SESTD1: variants seen among roughly 807,000 people sequenced by gnomAD.
The protein encoded by SESTD1 is SEC14 domain and spectrin repeat-containing protein 1.
SESTD1 carries 43 observed loss-of-function variants against 101.7 expected under a neutral mutation model. The ratio of observed to expected loss-of-function variants is 0.42; its 90% confidence interval spans 0.33 to 0.55. The LOEUF (loss-of-function observed/expected upper bound fraction) is 0.55, where lower values mean the gene tolerates loss of function less well. SESTD1 is among the 20% of genes least tolerant of loss of function. SESTD1 has a pLI of 0.07. For synonymous variants in SESTD1, 283 were observed against 286.8 expected, an observed-to-expected ratio of 0.99 and a Z score of 0.13; for missense variants, 647 against 815.1, an observed-to-expected ratio of 0.79 and a Z score of 2.51.
intron 1 of SESTD1, among the ~76,000 whole-genome samples, chr2:179,259,213 T>G (rs1209956549): frequency 6.6e-6 from 1 of 152,166 alleles, no homozygotes. Context: ...GTAAAGTGCC[T>G]AGTGTTAGTT....
At chr2:179,237,755 A>G (rs535048426) in intron 1 of SESTD1, among the ~76,000 whole-genome samples, 1 of 152,336 alleles carries the variant, frequency 6.6e-6, no homozygotes, top group Non-Finnish European at 1.5e-5. Context: ...TCTGCCCTCA[A>G]TGTTTGAGTA....
intron 17 of SESTD1, among the ~76,000 whole-genome samples, chr2:179,111,954 T>C (rs1311869674): frequency 6.6e-6 from 1 of 152,154 alleles, no homozygotes; most frequent in African/African-American, 2.4e-5. Flanking sequence ...CTCCTGACCT[T>C]GTGATCCGCC....
chr2:179,211,723 T>G (rs1048918472), intron 1 of SESTD1, among the ~76,000 whole-genome samples: 1 of 134,306 alleles, frequency 7.4e-6, no homozygotes, highest in Non-Finnish European at 1.6e-5. Flanking sequence ...TGGATGCAGA[T>G]GGACACCATT....
chr2:179,143,312 G>C (rs972219497), intron 9 of SESTD1, among the ~76,000 whole-genome samples: 2 of 152,116 alleles, frequency 1.3e-5, no homozygotes, highest in African/African-American at 4.8e-5. Context: ...GTTATTTATT[G>C]CAAGAATACA....
At position 179,115,167 on chromosome 2, in the gene SESTD1, T is replaced by C. The variant is rs764602539; in HGVS notation, c.1737A>G (p.Thr579=). ...LRCTSRSSGD[T]LPRLNRVWKQ... is the part of the protein sequence containing the mutation. ...TCCATACTCTGTTCAGTCGAGGAAGTGTATCCCCAGATGACCGAGAAGTGC... is the reference window on the plus strand; with the variant it reads ...TCCATACTCTGTTCAGTCGAGGAAGCGTATCCCCAGATGACCGAGAAGTGC... The change falls in exon 16 of 18, where the codon ACA becomes ACG. Residue 579 remains threonine, a synonymous_variant. Transcript: ENST00000428443. 5 of 1,614,020 alleles carry C rather than the reference T, an allele frequency of 3.1e-6. No homozygotes were observed. The highest frequency in any genetic ancestry group is 3.3e-5 in the Admixed American group (2 of 59,998).
rs376669039 is a variant in SESTD1, at chr2:179,151,243, T to C, written c.483+35A>G. 2.2e-5 allele frequency: 29 copies of C among 1,291,076 alleles called. No individual in the cohort carries two copies. The Admixed American group carries it at 2.9e-4, about 13-fold the overall frequency. 80.0% of individuals were successfully genotyped at this position (1,291,076 alleles called of 1,614,324 possible). On this transcript the variant is annotated intron_variant, in intron 6 of 17. Coordinates refer to ENST00000428443, the MANE Select transcript of SESTD1 (RefSeq NM_178123.5). ...GTTATCAAAATATATCTTATTTCTA[T>C]GCAATAACATTTTATCTCATTGTAA...
chr2:179,258,021 G>GA (rs1197110884), intron 1 of SESTD1, among the ~76,000 whole-genome samples: 7 of 152,166 alleles, frequency 4.6e-5, no homozygotes, highest in Non-Finnish European at 1.0e-4. Context: ...ATTTTACAAA[G>GA]ACAAGACACA....
chr2:179,112,868 A>G (rs1408594387), intron 16 of SESTD1, 23 bp from the exon 17 acceptor site: 2 of 1,599,390 alleles, frequency 1.3e-6, no homozygotes, highest in Non-Finnish European at 1.7e-6. Flanking sequence ...AAAGAGCAAC[A>G]TCAATCAAGA....
At position 179,209,419 on chromosome 2, in the gene SESTD1, AG is replaced by A. The variant is rs1164052152; in HGVS notation, c.-25-17554del. The stretch of plus-strand genomic sequence containing the variant: ...ATTCTACCCAACAAATGAAGAATAT[AG>A]ATTCTTTTCATCAGCATATGGAACA... On this transcript the variant is annotated intron_variant, in intron 1 of 17. Coordinates refer to ENST00000428443, the MANE Select transcript of SESTD1 (RefSeq NM_178123.5). Among the ~76,000 whole-genome samples the A allele has an allele frequency of 5.1e-4, 69 of 135,098 alleles. 16 individuals carry two copies. The highest frequency in any genetic ancestry group is 2.0e-3 in the African/African-American group (67 of 34,284). 88.6% of individuals were successfully genotyped at this position (135,098 alleles called of 152,430 possible).
chr2:179,138,974 T>C (rs1291031926), intron 9 of SESTD1, among the ~76,000 whole-genome samples: 1 of 151,946 alleles, frequency 6.6e-6, no homozygotes, highest in Non-Finnish European at 1.5e-5. Context: ...TATTGATCTT[T>C]AGAACCAAAG....
At chr2:179,217,599 C>T (rs1047094429) in intron 1 of SESTD1, among the ~76,000 whole-genome samples, 2 of 152,138 alleles carry the variant, frequency 1.3e-5, no homozygotes, top group Non-Finnish European at 1.5e-5. Flanking sequence ...ACTAGAAATA[C>T]CATCTGACCC....
At chr2:179,238,098 T>C (rs956987495) in intron 1 of SESTD1, among the ~76,000 whole-genome samples, 1 of 152,100 alleles carries the variant, frequency 6.6e-6, no homozygotes, top group African/African-American at 2.4e-5. Flanking sequence ...GAAAATAAAA[T>C]CTTATTAAGA....
chr2:179,114,747 G>GA, intron 16 of SESTD1, among the ~76,000 whole-genome samples: 1 of 152,248 alleles, frequency 6.6e-6, no homozygotes, highest in Admixed American at 6.5e-5. Context: ...TAACGAAAGA[G>GA]ATTGAACTCA....
intron 1 of SESTD1, among the ~76,000 whole-genome samples, chr2:179,197,038 G>A (rs150380311): frequency 0.054 from 8,237 of 152,072 alleles, 321 homozygotes; most frequent in Non-Finnish European, 0.081. Flanking sequence ...GCAAACCAAA[G>A]GCAAAGAAGT....
chr2:179,247,108 C>T (rs2047244115), intron 1 of SESTD1, among the ~76,000 whole-genome samples: 1 of 152,014 alleles, frequency 6.6e-6, no homozygotes, highest in Non-Finnish European at 1.5e-5. Flanking sequence ...AGGCTGGGCA[C>T]ATATTTTTAA....
At chr2:179,183,215 C>A in intron 2 of SESTD1, 27 bp from the exon 3 acceptor site, 1 of 1,378,360 alleles carries the variant, frequency 7.3e-7, no homozygotes. Context: ...TTAAATTTAA[C>A]ATGTAATACA....
intron 9 of SESTD1, among the ~76,000 whole-genome samples, chr2:179,142,206 C>T (rs142722663): frequency 8.5e-5 from 13 of 152,272 alleles, no homozygotes; most frequent in Admixed American, 8.5e-4. Context: ...GTTAAGCAGC[C>T]ACAGCTGCAA....
chr2:179,202,071 T>C (rs1368036041), intron 1 of SESTD1, among the ~76,000 whole-genome samples: 1 of 132,940 alleles, frequency 7.5e-6, no homozygotes, highest in East Asian at 2.0e-4. Context: ...TTGTATGTGA[T>C]TAAGTTGGTT....
intron 1 of SESTD1, chr2:179,263,880 C>T (rs2047518148): frequency 6.6e-6 from 1 of 152,454 alleles, no homozygotes; most frequent in Non-Finnish European, 1.5e-5. Flanking sequence ...GGATGTTAAC[C>T]TCTGGCAGGC....
Sources: gnomAD v4.1 joint callset for allele counts (sites outside exome capture counted in the v4.1 genomes callset) on GRCh38, gnomAD v4.1.1 for gene constraint, MANE v1.5 for transcripts, NCBI Gene and HGNC (gene_info 2026-07-23, HGNC 2026-07-21) for gene names.